The following PODXL variants were observed in gnomAD, a reference collection of about 807,000 sequenced individuals.
The protein encoded by PODXL is podocalyxin like, also known as podocalyxin.
A neutral mutation model predicts 48.9 loss-of-function variants in PODXL; 20 were observed. The ratio of observed to expected loss-of-function variants is 0.41; its 90% confidence interval spans 0.29 to 0.59. The LOEUF is 0.59. Among genes scored for constraint, PODXL ranks in the 20% least tolerant of loss-of-function variants. PODXL has a pLI of 0.31. For synonymous variants in PODXL, 295 were observed against 287.4 expected (o/e 1.03, Z -0.27); for missense variants, 606 against 675.1 (o/e 0.90, Z 1.13).
chr7:131,556,592 G>C lies in PODXL; in HGVS notation c.-233C>G, dbSNP rs990835207. The stretch of plus-strand genomic sequence containing the variant: ...CAGAGGAGCGGCGGCGGCGGCGGCT[G>C]CGTCCTGGGCGGCGTCTGCGCGGCT... On this transcript the variant is annotated 5_prime_UTR_variant, in exon 1 of 9. Transcript: ENST00000378555. 2 of 348,336 alleles carry C rather than the reference G, an allele frequency of 5.7e-6. No individual in the cohort carries two copies. Among genetic ancestry groups the C allele is most frequent in the African/African-American group, 4.3e-5 (2 of 46,072 alleles). The allele number at this position is 348,336 out of a possible 1,614,324, so 21.6% of individuals were successfully genotyped here.
intron 4 of PODXL, 165 bp from the exon 5 acceptor site, chr7:131,509,193 C>A: frequency 1.2e-6 from 1 of 801,582 alleles, no homozygotes; most frequent in Non-Finnish European, 2.1e-6. Context: ...GGCTTGAGGG[C>A]AGCTCAAGCC....
chr7:131,535,532 C>T (rs190232963), intron 1 of PODXL, among the ~76,000 whole-genome samples: 1 of 152,308 alleles, frequency 6.6e-6, no homozygotes, highest in Admixed American at 6.5e-5. Flanking sequence ...AGAGGTCACA[C>T]ACTTTTTCCA....
Position 131,510,813 on chromosome 7 carries a change from C to T in PODXL, c.706+15G>A, listed in dbSNP as rs748954457. ...AAAGTTTCTTGGTGCTTGAAGAAAA[C>T]CAGGCATTACTTACGTAGGGTGGTG... On this transcript the variant is annotated intron_variant, in intron 2 of 8. Transcript: ENST00000378555. 4.2e-5 allele frequency: 68 copies of T among 1,613,880 alleles called. No individual in the cohort carries two copies. Among genetic ancestry groups the T allele is most frequent in the Non-Finnish European group, 5.5e-5 (65 of 1,179,968 alleles).
chr7:131,549,109 G>A (rs998713523), intron 1 of PODXL, among the ~76,000 whole-genome samples: 2 of 152,170 alleles, frequency 1.3e-5, no homozygotes, highest in African/African-American at 4.8e-5. Context: ...ATCAGGTGAC[G>A]AGTGCTATGG....
intron 1 of PODXL, among the ~76,000 whole-genome samples, chr7:131,517,230 T>C (rs890145616): frequency 1.3e-5 from 2 of 152,218 alleles, no homozygotes; most frequent in Admixed American, 1.3e-4. Flanking sequence ...AATAACAGAA[T>C]TTCGTTTCCA....
At position 131,510,977 on chromosome 7, in the gene PODXL, G is replaced by A; in HGVS notation, c.557C>T (p.Pro186Leu). 3.1e-6 allele frequency: 5 copies of A among 1,614,138 alleles called. No homozygotes were observed. Among genetic ancestry groups the A allele is most frequent in the Non-Finnish European group, 3.4e-6 (4 of 1,180,020 alleles). ...CGAAGTGGGTTGTCGGGGGCTAAGT[G>A]GACTTGTAGGGTGAGGGGTCGTCAG... ...EHLTTPHPTSPLSPRQPTSTH... is the reference protein window; with the variant it reads ...EHLTTPHPTSLLSPRQPTSTH... Residue 186 changes from proline (P) to leucine (L), a missense_variant, in exon 2 of 9, where the codon CCA becomes CTA. By Grantham distance (98) the Pro-to-Leu change is moderately conservative. Transcript: ENST00000378555.
chr7:131,522,335 C>T (rs1000469567), intron 1 of PODXL, among the ~76,000 whole-genome samples: 7 of 152,094 alleles, frequency 4.6e-5, no homozygotes, highest in Non-Finnish European at 1.0e-4. Flanking sequence ...ACTGAGTAGT[C>T]CCAGCTACCG....
chr7:131,532,881 G>T (rs897181670), intron 1 of PODXL, among the ~76,000 whole-genome samples: 11 of 152,134 alleles, frequency 7.2e-5, no homozygotes, highest in Non-Finnish European at 1.3e-4. Flanking sequence ...CAGCGTGAAG[G>T]CCCTGTCTAC....
At chr7:131,551,724 C>T (rs1449835395) in intron 1 of PODXL, among the ~76,000 whole-genome samples, 88 of 151,874 alleles carry the variant, frequency 5.8e-4, no homozygotes, top group Non-Finnish European at 1.3e-4. Flanking sequence ...ATCATGAGGT[C>T]AGGAGATCGA....
At chr7:131,505,777 C>G in intron 8 of PODXL, 91 bp downstream of exon 8, 1 of 1,309,812 alleles carries the variant, frequency 7.6e-7, no homozygotes, top group Admixed American at 2.3e-5. Flanking sequence ...GGCCTGCTCC[C>G]TTTCCTCTTC....
chr7:131,520,223 C>A, intron 1 of PODXL: 1 of 413,814 alleles, frequency 2.4e-6, no homozygotes, highest in Non-Finnish European at 4.7e-6. Context: ...TCAACAATCC[C>A]AAGAGCTTCC....
At position 131,501,290 on chromosome 7, in the gene PODXL, G is replaced by A. The variant is rs1454436168; in HGVS notation, c.*3021C>T. On this transcript the variant is annotated 3_prime_UTR_variant, in exon 9 of 9. Coordinates refer to ENST00000378555, the MANE Select transcript of PODXL (RefSeq NM_001018111.3). Reference sequence around the variant, plus strand: ...TCAGCTAACATAATGCTTTTTCAAAGTATGTTCACTTAAAGCAGTGCAGGG... The same window carrying A: ...TCAGCTAACATAATGCTTTTTCAAAATATGTTCACTTAAAGCAGTGCAGGG... 1 of 152,484 alleles carries A rather than the reference G, an allele frequency of 6.6e-6. No individual in the cohort carries two copies. The highest frequency in any genetic ancestry group is 2.4e-5 in the African/African-American group (1 of 41,408). The allele number at this position is 152,484 out of a possible 1,614,324, so 9.4% of individuals were successfully genotyped here. A position where few individuals can be genotyped will look rare whatever the true frequency, so the allele number is the denominator to read the frequency against.
Position 131,553,509 on chromosome 7 carries a change from C to A in PODXL, c.100+2751G>T, listed in dbSNP as rs572380927. Among the ~76,000 whole-genome samples the A allele has an allele frequency of 5.2e-3, 786 of 152,308 alleles. 5 individuals are homozygous for A. The highest frequency in any genetic ancestry group is 0.014 in the Middle Eastern group (4 of 294). ...TCATAGCTATTTTTTGAGTGTTGAT[C>A]CTGAGTTGGGCGTAAAGCCAAGCCC... On this transcript the variant is annotated intron_variant, in intron 1 of 8. Transcript: ENST00000378555.
chr7:131,519,598 A>AG (rs200680376), intron 1 of PODXL, among the ~76,000 whole-genome samples: 5 of 152,176 alleles, frequency 3.3e-5, no homozygotes, highest in Admixed American at 6.5e-5. Flanking sequence ...GTTGATCAAA[A>AG]GGGGAAAAAA....
At position 131,504,164 on chromosome 7, in the gene PODXL, G is replaced by A. The variant is rs1797758177; in HGVS notation, c.*147C>T. 1 of 639,732 alleles carries A rather than the reference G, an allele frequency of 1.6e-6. No homozygotes were observed. The highest frequency in any genetic ancestry group is 1.8e-5 in the African/African-American group (1 of 54,602). 39.6% of individuals were successfully genotyped at this position (639,732 alleles called of 1,614,324 possible). ...ATGTGATTTGTTCAGGTTGAAAAGG[G>A]AAAAATTAAGGCCCTGGGGGGATTG... On this transcript the variant is annotated 3_prime_UTR_variant, in exon 9 of 9. Coordinates refer to ENST00000378555, the MANE Select transcript of PODXL (RefSeq NM_001018111.3).
chr7:131,543,968 G>C (rs926675871), intron 1 of PODXL, among the ~76,000 whole-genome samples: 2 of 152,164 alleles, frequency 1.3e-5, no homozygotes, highest in African/African-American at 4.8e-5. Flanking sequence ...CATGATGCCA[G>C]CAGTCCTGGG....
chr7:131,504,615 C>T, intron 8 of PODXL, 107 bp from the exon 9 acceptor site: 1 of 923,196 alleles, frequency 1.1e-6, no homozygotes, highest in Non-Finnish European at 1.7e-6. Context: ...GTAGCTAAAG[C>T]AGGCCCTCAT....
chr7:131,504,860 A>C (rs577847164), intron 8 of PODXL, among the ~76,000 whole-genome samples: 1 of 152,200 alleles, frequency 6.6e-6, no homozygotes, highest in East Asian at 1.9e-4. Context: ...TGGGAAAAAC[A>C]CTATTAAAAA....
At chr7:131,549,927 C>T (rs761646329) in intron 1 of PODXL, among the ~76,000 whole-genome samples, 13 of 152,170 alleles carry the variant, frequency 8.5e-5, no homozygotes, top group Non-Finnish European at 1.9e-4. Flanking sequence ...GGCCCAGGGG[C>T]CAACCTTAGC....
Sources: allele counts gnomAD v4.1 joint callset (sites outside exome capture counted in the v4.1 genomes callset), GRCh38; gene constraint gnomAD v4.1.1; transcripts MANE v1.5; gene names NCBI Gene and HGNC (gene_info 2026-07-23, HGNC 2026-07-21).